Variants in ATP2B2 observed in about 807,000 individuals in gnomAD.
ATP2B2 encodes ATPase plasma membrane Ca2+ transporting 2.
A neutral mutation model predicts 120.0 loss-of-function variants in ATP2B2; 15 were observed. That is an observed-to-expected ratio of 0.12 (90% CI 0.08 to 0.19). The LOEUF is 0.19. Among genes scored for constraint, ATP2B2 ranks in the 10% least tolerant of loss-of-function variants. ATP2B2 has a pLI of 1.00. For synonymous variants in ATP2B2, 694 were observed against 700.3 expected (o/e 0.99, Z 0.14); for missense variants, 1,045 against 1,719.8 (o/e 0.61, Z 6.94).
intron 2 of ATP2B2, among the ~76,000 whole-genome samples, chr3:10,433,360 C>T (rs2063380952): frequency 6.6e-6 from 1 of 152,144 alleles, no homozygotes; most frequent in Non-Finnish European, 1.5e-5. Context: ...GGCTTTCGCC[C>T]AGCTGACAGC....
At chr3:10,663,752 C>A (rs2070850819) in intron 1 of ATP2B2, among the ~76,000 whole-genome samples, 1 of 152,168 alleles carries the variant, frequency 6.6e-6, no homozygotes, top group Non-Finnish European at 1.5e-5. Flanking sequence ...GAGCCACACA[C>A]CTTGTTTTCA....
Position 10,375,596 on chromosome 3 carries a change from G to A in ATP2B2, c.1250C>T (p.Thr417Ile). The A allele has an allele frequency of 6.2e-7, 1 of 1,613,848 alleles. No individual in the cohort carries two copies. Among genetic ancestry groups the A allele is most frequent in the Non-Finnish European group, 8.5e-7 (1 of 1,180,040 alleles). The change falls in exon 11 of 23, where the codon ACT becomes ATT. Residue 417 changes from threonine (T) to isoleucine (I), a missense_variant. Transcript: ENST00000360273. This position sits in a 1 kb window ranked among gnomAD's most constrained non-coding sequence, Gnocchi z 4.2. ...CTTGTTGACCACGAAGGTGTCCACAGTGAAGTAGAGCACCAGGATGATCAC... is the reference window on the plus strand; with the variant it reads ...CTTGTTGACCACGAAGGTGTCCACAATGAAGTAGAGCACCAGGATGATCAC... The part of the protein sequence containing the change: ...ITVIILVLYF[T>I]VDTFVVNKKP...
intron 2 of ATP2B2, among the ~76,000 whole-genome samples, chr3:10,563,278 A>G (rs558114714): frequency 3.9e-5 from 6 of 152,286 alleles, no homozygotes; most frequent in East Asian, 1.9e-4. Context: ...TGACTTTTGC[A>G]TGGTCACACT....
chr3:10,383,411 T>A (rs1347692699), intron 8 of ATP2B2, among the ~76,000 whole-genome samples: 4 of 152,204 alleles, frequency 2.6e-5, no homozygotes, highest in African/African-American at 9.6e-5. Context: ...ACTAATTCTG[T>A]AACCAGGAAG....
At chr3:10,469,190 T>A (rs1306377160) in intron 1 of ATP2B2, among the ~76,000 whole-genome samples, 2 of 152,232 alleles carry the variant, frequency 1.3e-5, no homozygotes, top group Non-Finnish European at 2.9e-5. Flanking sequence ...TGATAACAAC[T>A]GAATAAAATT....
intron 3 of ATP2B2, among the ~76,000 whole-genome samples, chr3:10,408,930 G>C (rs2062512561): frequency 6.6e-6 from 1 of 152,180 alleles, no homozygotes; most frequent in Non-Finnish European, 1.5e-5. Context: ...GCTTTGGTCT[G>C]AGTCATGGTT....
chr3:10,605,760 T>G (rs1323747081), intron 2 of ATP2B2, among the ~76,000 whole-genome samples: 3 of 151,976 alleles, frequency 2.0e-5, no homozygotes, highest in East Asian at 3.9e-4. Context: ...GTGATTCTCC[T>G]GCCTCAGCCT....
chr3:10,703,863 T>C (rs568272370), intron 1 of ATP2B2, among the ~76,000 whole-genome samples: 12 of 152,326 alleles, frequency 7.9e-5, no homozygotes, highest in African/African-American at 2.9e-4. Flanking sequence ...GCTTCCTTTA[T>C]GGAACCCCTG....
intron 1 of ATP2B2, among the ~76,000 whole-genome samples, chr3:10,651,147 T>G (rs900668326): frequency 1.3e-5 from 2 of 152,218 alleles, no homozygotes; most frequent in Non-Finnish European, 2.9e-5. Context: ...CTTTGGACTG[T>G]GGACTTTTGA....
intron 18 of ATP2B2, among the ~76,000 whole-genome samples, chr3:10,345,106 G>C (rs1431398997): frequency 1.3e-5 from 2 of 152,204 alleles, no homozygotes; most frequent in Non-Finnish European, 2.9e-5. Context: ...GCCTCCTGCA[G>C]TGAGGGCCAG....
At chr3:10,649,240 A>C (rs929161051) in intron 1 of ATP2B2, among the ~76,000 whole-genome samples, 1 of 152,190 alleles carries the variant, frequency 6.6e-6, no homozygotes, top group African/African-American at 2.4e-5. Flanking sequence ...GAGACATCAA[A>C]AGTTCTGTCC....
intron 1 of ATP2B2, among the ~76,000 whole-genome samples, chr3:10,628,808 G>A (rs920708850): frequency 7.2e-5 from 11 of 152,232 alleles, no homozygotes; most frequent in Non-Finnish European, 1.6e-4. Context: ...GTCACTGTGG[G>A]TGCTGAATTG....
chr3:10,525,687 C>T (rs540671146), intron 3 of ATP2B2, among the ~76,000 whole-genome samples: 37 of 152,112 alleles, frequency 2.4e-4, no homozygotes, highest in African/African-American at 7.5e-4. Flanking sequence ...AAAATAAATT[C>T]GAATACCTCA....
chr3:10,612,598 T>C (rs985400291), intron 2 of ATP2B2, among the ~76,000 whole-genome samples: 3 of 152,190 alleles, frequency 2.0e-5, no homozygotes, highest in Admixed American at 6.5e-5. Context: ...CTTCCTCAGT[T>C]ATCCAGCCCC....
At chr3:10,475,485 T>C (rs540119281) in intron 1 of ATP2B2, among the ~76,000 whole-genome samples, 8 of 152,346 alleles carry the variant, frequency 5.3e-5, no homozygotes, top group African/African-American at 1.9e-4. Context: ...ACCACACATT[T>C]GGTCATGGGC....
intron 1 of ATP2B2, among the ~76,000 whole-genome samples, chr3:10,705,665 A>G (rs1412798777): frequency 6.6e-6 from 1 of 152,244 alleles, no homozygotes. Flanking sequence ...CTGCATGTAG[A>G]TGGTAACACC....
At chr3:10,403,342 T>C (rs2062293503) in intron 3 of ATP2B2, among the ~76,000 whole-genome samples, 1 of 152,214 alleles carries the variant, frequency 6.6e-6, no homozygotes, top group South Asian at 2.1e-4. Flanking sequence ...ATCCCAACCG[T>C]TGCACCACTG....
intron 1 of ATP2B2, among the ~76,000 whole-genome samples, chr3:10,689,188 C>A (rs1319409159): frequency 6.6e-6 from 1 of 152,110 alleles, no homozygotes. Flanking sequence ...TCCATATATT[C>A]TATGAGCTCT....
rs904652952 is a variant in ATP2B2, at chr3:10,375,827, G to A, written c.1202-183C>T. Among the ~76,000 whole-genome samples the A allele has an allele frequency of 6.6e-6, 1 of 152,174 alleles. No individual in the cohort carries two copies. Among genetic ancestry groups the A allele is most frequent in the African/African-American group, 2.4e-5 (1 of 41,444 alleles). ...AGACCTTGATCCTCACCGAGCCTCAGTCTCCTGCTCTGTACAATGGGGATG... is the reference window on the plus strand; with the variant it reads ...AGACCTTGATCCTCACCGAGCCTCAATCTCCTGCTCTGTACAATGGGGATG... On this transcript the variant is annotated intron_variant, in intron 10 of 22. Transcript: ENST00000360273. This position sits in a 1 kb window ranked among gnomAD's most constrained non-coding sequence, Gnocchi z 4.2.
Sources: allele counts gnomAD v4.1 joint callset (sites outside exome capture counted in the v4.1 genomes callset), GRCh38; gene constraint gnomAD v4.1.1; non-coding constraint Gnocchi (gnomAD v3.1); transcripts MANE v1.5; gene names NCBI Gene and HGNC (gene_info 2026-07-23, HGNC 2026-07-21).